DTNB: variants seen among roughly 807,000 people sequenced by gnomAD.
DTNB encodes the protein DTN-B.
Under a neutral mutation model 90.7 loss-of-function variants are expected in DTNB, and 63 were observed. The ratio of observed to expected loss-of-function variants is 0.69; its 90% CI spans 0.57 to 0.86. The LOEUF (loss-of-function observed/expected upper bound fraction) is 0.86, where lower values mean the gene tolerates loss of function less well. Ranked by LOEUF, DTNB falls within the 40% of genes least tolerant of loss-of-function variation. The pLI, the probability that DTNB is intolerant of heterozygous loss-of-function variation, is 0.00. For missense variants in DTNB, 744 were observed against 807.1 expected, an observed-to-expected ratio of 0.92 and a Z score of 0.95; for synonymous variants, 277 against 286.7, an observed-to-expected ratio of 0.97 and a Z score of 0.34.
At chr2:25,550,219 G>A (rs1191030928) in intron 8 of DTNB, among the ~76,000 whole-genome samples, 4 of 151,946 alleles carry the variant, frequency 2.6e-5, no homozygotes, top group Non-Finnish European at 5.9e-5. Flanking sequence ...GTGAAACCCC[G>A]TGTCTACTAA....
intron 16 of DTNB, chr2:25,419,231 G>C (rs781504464): frequency 5.5e-6 from 3 of 541,404 alleles, no homozygotes; most frequent in Non-Finnish European, 1.0e-5. Context: ...GAATGAAAGA[G>C]CAGGAAAATG....
At chr2:25,602,274 G>A (rs993511994) in intron 5 of DTNB, among the ~76,000 whole-genome samples, 2 of 152,036 alleles carry the variant, frequency 1.3e-5, no homozygotes, top group South Asian at 4.2e-4. Context: ...GACCTCCTTT[G>A]GTTTTTGTTT....
intron 8 of DTNB, among the ~76,000 whole-genome samples, chr2:25,533,380 C>G (rs759964249): frequency 1.9e-4 from 29 of 152,120 alleles, no homozygotes; most frequent in Non-Finnish European, 3.4e-4. Context: ...ACCTAATTTC[C>G]TGAAAGTATA....
In DTNB at chr2:25,455,579, T is replaced by C. The variant is rs1289806709; in HGVS notation, c.1080-85A>G. On this transcript the variant is annotated intron_variant, in intron 10 of 20. Transcript: ENST00000406818. The stretch of plus-strand genomic sequence containing the variant: ...GAACATGGATTAAAATGAGCAAACT[T>C]CAAAGAAAAATTTAAAAAATAATAA... The C allele has an allele frequency of 2.5e-6, 3 of 1,178,190 alleles. No individual in the cohort carries two copies. The African/African-American group carries it at 4.7e-5, about 18-fold the overall frequency. The allele number at this position is 1,178,190 out of a possible 1,614,324, so 73.0% of individuals were successfully genotyped here.
intron 1 of DTNB, among the ~76,000 whole-genome samples, chr2:25,670,685 T>C (rs1375381919): frequency 1.3e-5 from 2 of 152,204 alleles, no homozygotes; most frequent in Non-Finnish European, 2.9e-5. Context: ...ACAGCTCTGA[T>C]GCTCGTGTAA....
chr2:25,451,552 T>C lies in DTNB; in HGVS notation c.1253A>G (p.Asn418Ser). The change falls in exon 12 of 21, where the codon AAC becomes AGC. Residue 418 changes from asparagine to serine, a missense_variant. Transcript: ENST00000406818. ...TGGGATCCTCCATTAACTTACCACGTTTCCTGCTTCTGCAGCCAGCCGGGC... is the reference window on the plus strand; with the variant it reads ...TGGGATCCTCCATTAACTTACCACGCTTCCTGCTTCTGCAGCCAGCCGGGC... Reference protein sequence around the residue: ...YAARLAAEAGNVTRPPTDLSF... With the variant: ...YAARLAAEAGSVTRPPTDLSF... 1 of 1,606,746 alleles carries C rather than the reference T, an allele frequency of 6.2e-7. No homozygotes were observed. Among genetic ancestry groups the C allele is most frequent in the Non-Finnish European group, 8.5e-7 (1 of 1,176,486 alleles).
chr2:25,450,834 T>C (rs913895712), intron 12 of DTNB, among the ~76,000 whole-genome samples: 8 of 152,174 alleles, frequency 5.3e-5, no homozygotes, highest in African/African-American at 1.7e-4. Flanking sequence ...GACAGGGTCT[T>C]GCTCTGTTGC....
rs1289488809 is a variant in DTNB, at chr2:25,634,643, G to A, written c.148+4371C>T. On this transcript the variant is annotated intron_variant, in intron 3 of 20. Transcript: ENST00000406818. ...GGGAAAGGTGGGGAAAAGATTGAGA[G>A]GTTGGATGGTTGCCGTGTCTGTGTA... Among the ~76,000 whole-genome samples the A allele has an allele frequency of 1.6e-4, 19 of 115,352 alleles. 6 individuals carry two copies. Among genetic ancestry groups the A allele is most frequent in the Non-Finnish European group, 3.3e-4 (16 of 48,852 alleles). The allele number at this position is 115,352 out of a possible 152,430, so 75.7% of individuals were successfully genotyped here. A position where few individuals can be genotyped will look rare whatever the true frequency, so the allele number is the denominator to read the frequency against.
At chr2:25,572,443 G>A (rs574755999) in intron 8 of DTNB, among the ~76,000 whole-genome samples, 42 of 151,126 alleles carry the variant, frequency 2.8e-4, no homozygotes, top group Non-Finnish European at 5.3e-4. Context: ...CTCCAGCCTG[G>A]GCGACAAAGC....
rs1227131508 is a variant in DTNB, at chr2:25,583,261, AAAT to A, written c.604-2438_604-2436del. On this transcript the variant is annotated intron_variant, in intron 6 of 20. Coordinates refer to ENST00000406818, the MANE Select transcript of DTNB (RefSeq NM_021907.5). ...GATTCCGTCTCAAAAAAAAAAAAAA[AAAT>A]ATATATATATATATATACACACACA... 8.4e-4 allele frequency among the ~76,000 whole-genome samples: 121 copies of A among 143,670 alleles called. 1 individual carries two copies. Among genetic ancestry groups the A allele is most frequent in the African/African-American group, 2.9e-3 (109 of 38,122 alleles). The allele number at this position is 143,670 out of a possible 152,430, so 94.3% of individuals were successfully genotyped here.
intron 16 of DTNB, among the ~76,000 whole-genome samples, chr2:25,410,929 CTTTT>C (rs1308072989): frequency 6.8e-6 from 1 of 147,714 alleles, no homozygotes; most frequent in Non-Finnish European, 1.5e-5. Context: ...TAGGAACTGC[CTTTT>C]CTTTTTTTTT....
chr2:25,456,787 T>C, intron 10 of DTNB, among the ~76,000 whole-genome samples: 1 of 151,864 alleles, frequency 6.6e-6, no homozygotes, highest in Non-Finnish European at 1.5e-5. Flanking sequence ...AGGCTGGTCT[T>C]GAACTCCTGA....
intron 9 of DTNB, among the ~76,000 whole-genome samples, chr2:25,486,149 TAAAATA>T (rs2066076031): frequency 1.4e-5 from 2 of 147,204 alleles, no homozygotes; most frequent in Non-Finnish European, 3.0e-5. Flanking sequence ...TAAAATAAAA[TAAAATA>T]AAAAAATAAA....
chr2:25,432,206 T>TACACACACAC (rs60610400), intron 14 of DTNB, among the ~76,000 whole-genome samples: 227 of 146,430 alleles, frequency 1.6e-3, no homozygotes, highest in Middle Eastern at 3.5e-3. Context: ...GAAGAGTGCG[T>TACACACACAC]ACACACACAC....
chr2:25,531,550 C>A lies in DTNB; in HGVS notation c.924G>T (p.Gly308=), dbSNP rs780904077. ...GCGGGGGTTCTCTCGTGGGTACACA[C>A]CCCAAAGATTTACTAATTGCATGGC... The part of the protein sequence containing the change: ...KLSHAISKSL[G]CVPTREPPHP... Residue 308 remains glycine (G), a synonymous_variant, in exon 9 of 21, where the codon GGG becomes GGT. Transcript: ENST00000406818. 5 of 1,613,568 alleles carry A rather than the reference C, an allele frequency of 3.1e-6. No homozygotes were observed. Among genetic ancestry groups the A allele is most frequent in the Non-Finnish European group, 4.2e-6 (5 of 1,179,830 alleles).
At chr2:25,616,388 T>C (rs556654152) in intron 4 of DTNB, among the ~76,000 whole-genome samples, 1 of 152,298 alleles carries the variant, frequency 6.6e-6, no homozygotes, top group African/African-American at 2.4e-5. Context: ...ACTAATATTT[T>C]ACAACACTTT....
intron 12 of DTNB, among the ~76,000 whole-genome samples, chr2:25,436,137 C>T (rs2055677598): frequency 6.6e-6 from 1 of 152,152 alleles, no homozygotes; most frequent in Non-Finnish European, 1.5e-5. Context: ...GAGTTCAAGA[C>T]CAGCATGGCC....
At chr2:25,536,265 G>A (rs577419047) in intron 8 of DTNB, among the ~76,000 whole-genome samples, 231 of 152,234 alleles carry the variant, frequency 1.5e-3, no homozygotes, top group Non-Finnish European at 2.6e-3. Context: ...GACAATGGGC[G>A]GCCAGGCAGA....
chr2:25,599,851 T>C (rs1197798221), intron 5 of DTNB, among the ~76,000 whole-genome samples: 2 of 151,994 alleles, frequency 1.3e-5, no homozygotes, highest in Non-Finnish European at 2.9e-5. Context: ...TCCCAGAACT[T>C]TGGGAGGCCC....
Sources: gnomAD v4.1 joint callset for allele counts (sites outside exome capture counted in the v4.1 genomes callset) on GRCh38, gnomAD v4.1.1 for gene constraint, MANE v1.5 for transcripts, NCBI Gene and HGNC (gene_info 2026-07-23, HGNC 2026-07-21) for gene names.